Variants in KCNB2 observed in about 807,000 individuals in gnomAD.
The protein encoded by KCNB2 is delayed rectifier potassium channel protein.
Under a neutral mutation model 61.5 loss-of-function variants are expected in KCNB2, and 15 were observed. That is an observed-to-expected ratio of 0.24 (90% CI 0.16 to 0.38). The LOEUF (loss-of-function observed/expected upper bound fraction) is 0.38, where lower values mean the gene tolerates loss of function less well. KCNB2 is among the 10% of genes least tolerant of loss of function. The probability of loss-of-function intolerance (pLI) is 1.00; values close to 1 mark genes in which losing one functional copy is unlikely to be tolerated. For synonymous variants in KCNB2, 457 were observed against 446.0 expected (o/e 1.02, Z -0.31); for missense variants, 828 against 1,125.2 (o/e 0.74, Z 3.78).
intron 2 of KCNB2, among the ~76,000 whole-genome samples, chr8:72,597,334 C>T (rs1422075270): frequency 6.6e-6 from 1 of 152,072 alleles, no homozygotes; most frequent in Non-Finnish European, 1.5e-5. Context: ...ACGCCTGGCC[C>T]ATGTTTTCCC....
At chr8:72,722,436 T>C (rs949175191) in intron 2 of KCNB2, among the ~76,000 whole-genome samples, 15 of 152,196 alleles carry the variant, frequency 9.9e-5, no homozygotes, top group Non-Finnish European at 2.2e-4. Context: ...CTTCCCTCCT[T>C]CCCTGGGATA....
At chr8:72,550,159 T>A (rs1397321312) in intron 1 of KCNB2, among the ~76,000 whole-genome samples, 1 of 152,246 alleles carries the variant, frequency 6.6e-6, no homozygotes, top group African/African-American at 2.4e-5. Flanking sequence ...CTGAACTATT[T>A]AACTCTTGTT....
At chr8:72,827,144 C>G (rs1435027037) in intron 2 of KCNB2, among the ~76,000 whole-genome samples, 1 of 152,016 alleles carries the variant, frequency 6.6e-6, no homozygotes, top group Non-Finnish European at 1.5e-5. Flanking sequence ...AGAGATTGAC[C>G]TTCATATGAT....
intron 2 of KCNB2, among the ~76,000 whole-genome samples, chr8:72,892,513 A>G (rs1156537607): frequency 6.6e-6 from 1 of 152,206 alleles, no homozygotes; most frequent in Non-Finnish European, 1.5e-5. Context: ...CATCCGGCAC[A>G]TGCCACATGT....
chr8:72,719,088 T>C (rs1011013124), intron 2 of KCNB2, among the ~76,000 whole-genome samples: 1 of 152,178 alleles, frequency 6.6e-6, no homozygotes, highest in Non-Finnish European at 1.5e-5. Flanking sequence ...TTTTGTTCTT[T>C]TGCTTTGTTT....
intron 2 of KCNB2, among the ~76,000 whole-genome samples, chr8:72,725,600 T>TATATATATATACATAC (rs1807633984): frequency 1.6e-5 from 2 of 124,536 alleles, no homozygotes; most frequent in African/African-American, 7.1e-5. Flanking sequence ...TGTATATATA[T>TATATATATATACATAC]ATATATATAT....
chr8:72,791,914 A>G (rs1031689604), intron 2 of KCNB2, among the ~76,000 whole-genome samples: 1 of 152,232 alleles, frequency 6.6e-6, no homozygotes, highest in African/African-American at 2.4e-5. Flanking sequence ...ATTAGTAACA[A>G]TAGGCCTACT....
intron 2 of KCNB2, among the ~76,000 whole-genome samples, chr8:72,765,039 A>G (rs1185929426): frequency 1.3e-5 from 2 of 152,210 alleles, no homozygotes; most frequent in African/African-American, 4.8e-5. Flanking sequence ...AAATAGGAAG[A>G]GACTGACATA....
In KCNB2 at chr8:72,871,336, A is replaced by G. The variant is rs537212962; in HGVS notation, c.580-64599A>G. Among the ~76,000 whole-genome samples, 145 of 152,244 alleles carry G rather than the reference A, an allele frequency of 9.5e-4. 1 individual carries two copies. The highest frequency in any genetic ancestry group is 2.0e-3 in the Admixed American group (30 of 15,284). ...TGAATGAATTAACAAATGAATGCAT[A>G]CCTCACAAAGTTCCCAACACTCAAA... On this transcript the variant is annotated intron_variant, in intron 2 of 2. Transcript: ENST00000523207.
At chr8:72,695,551 A>T (rs1402570519) in intron 2 of KCNB2, among the ~76,000 whole-genome samples, 3 of 152,106 alleles carry the variant, frequency 2.0e-5, no homozygotes, top group Admixed American at 6.6e-5. Context: ...ATGTGCATTT[A>T]AAAAAAAGAG....
chr8:72,561,765 A>ATG (rs1563523578), intron 1 of KCNB2, among the ~76,000 whole-genome samples: 1 of 28,410 alleles, frequency 3.5e-5, no homozygotes, highest in Non-Finnish European at 6.3e-5. Context: ...ATATATGGAT[A>ATG]TATATATATA....
At chr8:72,823,369 A>C (rs1809542739) in intron 2 of KCNB2, among the ~76,000 whole-genome samples, 2 of 152,282 alleles carry the variant, frequency 1.3e-5, no homozygotes, top group South Asian at 4.1e-4. Flanking sequence ...AAGCAAATCC[A>C]GCCTGGGGAA....
intron 2 of KCNB2, among the ~76,000 whole-genome samples, chr8:72,579,923 G>T (rs1806864749): frequency 6.6e-6 from 1 of 152,230 alleles, no homozygotes; most frequent in Non-Finnish European, 1.5e-5. Context: ...GTCATGAAGT[G>T]AAAAGCACTT....
At chr8:72,561,669 G>A (rs1806513864) in intron 1 of KCNB2, among the ~76,000 whole-genome samples, 1 of 123,536 alleles carries the variant, frequency 8.1e-6, no homozygotes, top group Non-Finnish European at 1.7e-5. Context: ...TAGAATAGCT[G>A]AAAATTTCCA....
chr8:72,903,963 T>C (rs1175648029), intron 2 of KCNB2, among the ~76,000 whole-genome samples: 2 of 152,068 alleles, frequency 1.3e-5, no homozygotes, highest in Non-Finnish European at 2.9e-5. Flanking sequence ...TATAAACAAA[T>C]AACCACAGTC....
At chr8:72,639,359 C>T (rs1488538070) in intron 2 of KCNB2, among the ~76,000 whole-genome samples, 1 of 152,160 alleles carries the variant, frequency 6.6e-6, no homozygotes, top group Non-Finnish European at 1.5e-5. Flanking sequence ...ACCTACTCCT[C>T]AACCTTCAGG....
At chr8:72,592,131 G>A (rs140837254) in intron 2 of KCNB2, among the ~76,000 whole-genome samples, 8 of 152,204 alleles carry the variant, frequency 5.3e-5, no homozygotes, top group African/African-American at 1.9e-4. Flanking sequence ...TTATTCATCT[G>A]CTTCATGCTT....
At chr8:72,764,376 G>C (rs1410035136) in intron 2 of KCNB2, among the ~76,000 whole-genome samples, 1 of 152,148 alleles carries the variant, frequency 6.6e-6, no homozygotes, top group East Asian at 1.9e-4. Flanking sequence ...TAAGGGAACT[G>C]TATTCCAAAG....
chr8:72,702,272 G>A (rs777882122), intron 2 of KCNB2, among the ~76,000 whole-genome samples: 15 of 151,910 alleles, frequency 9.9e-5, no homozygotes, highest in Non-Finnish European at 1.8e-4. Flanking sequence ...CATTTCCAGC[G>A]AACTCAGTTT....
Sources: gnomAD v4.1 joint callset for allele counts (sites outside exome capture counted in the v4.1 genomes callset) on GRCh38, gnomAD v4.1.1 for gene constraint, MANE v1.5 for transcripts, NCBI Gene and HGNC (gene_info 2026-07-23, HGNC 2026-07-21) for gene names.